TRIM4: variants seen among roughly 807,000 people sequenced by gnomAD.
The protein encoded by TRIM4 is E3 ubiquitin-protein ligase TRIM4.
TRIM4 carries 29 observed loss-of-function variants against 33.7 expected under a neutral mutation model. The ratio of observed to expected loss-of-function variants is 0.86; its 90% CI spans 0.64 to 1.17. TRIM4 has a LOEUF of 1.17. TRIM4 is among the 50% of genes most tolerant of loss of function. The probability of loss-of-function intolerance (pLI) is 0.00; values close to 1 mark genes in which losing one functional copy is unlikely to be tolerated. For missense variants in TRIM4, 554 were observed against 593.7 expected, an observed-to-expected ratio of 0.93 and a Z score of 0.69; for synonymous variants, 224 against 233.0, an observed-to-expected ratio of 0.96 and a Z score of 0.35.
chr7:99,911,265 A>G (rs1224962545), intron 1 of TRIM4, among the ~76,000 whole-genome samples: 3 of 152,186 alleles, frequency 2.0e-5, no homozygotes, highest in Non-Finnish European at 4.4e-5. Context: ...ACTACATTTA[A>G]GCAGTATGTA....
chr7:99,890,998 T>G lies in TRIM4; in HGVS notation c.*1165A>C, dbSNP rs1818881569. ...TTTATACTTTTTGCATCTTACAAAC[T>G]TTCTACAATAAGTACACATGACTTA... On this transcript the variant is annotated 3_prime_UTR_variant, in exon 6 of 6. Transcript: ENST00000349062. The G allele has an allele frequency of 6.6e-6, 1 of 152,250 alleles. No homozygotes were observed. Among genetic ancestry groups the G allele is most frequent in the Non-Finnish European group, 1.5e-5 (1 of 68,044 alleles). 9.4% of individuals were successfully genotyped at this position (152,250 alleles called of 1,614,324 possible). A position where few individuals can be genotyped will look rare whatever the true frequency, so the allele number is the denominator to read the frequency against.
chr7:99,909,559 C>A lies in TRIM4; in HGVS notation c.489+6G>T. On this transcript the variant is annotated splice_donor_region_variant and intron_variant, in intron 2 of 5. Transcript: ENST00000349062. ...GCAAGAAATATCCAACCACTTCTGC[C>A]ATTACCTTCCACTGTGTGGCGTTCT... 1 of 1,612,910 alleles carries A rather than the reference C, an allele frequency of 6.2e-7. No homozygotes were observed. Among genetic ancestry groups the A allele is most frequent in the Non-Finnish European group, 8.5e-7 (1 of 1,179,330 alleles).
rs762420815 is a variant in TRIM4 at position 99,919,053 on chromosome 7, T to C, written c.349A>G (p.Thr117Ala). The C allele has an allele frequency of 2.5e-6, 4 of 1,580,900 alleles. No homozygotes were observed. Among genetic ancestry groups the C allele is most frequent in the African/African-American group, 1.4e-5 (1 of 72,914 alleles). ...TCGTCGATGGGTGCCATGGCGTGAGTCTGGTGCTCCTGGGACTCCCTGCAC... is the reference window on the plus strand; with the variant it reads ...TCGTCGATGGGTGCCATGGCGTGAGCCTGGTGCTCCTGGGACTCCCTGCAC... ...LVCRESQEHQ[T>A]HAMAPIDEAF... The change falls in exon 1 of 6, where the codon ACT becomes GCT. Residue 117 changes from threonine to alanine, a missense_variant. Thr to Ala is a moderately conservative substitution (Grantham distance 58). Coordinates refer to ENST00000349062, the MANE Select transcript of TRIM4 (RefSeq NM_033091.3).
In TRIM4 at chr7:99,908,675, GT is replaced by G. The variant is rs749822439; in HGVS notation, c.626del (p.Asn209ThrfsTer3). 1 of 1,614,144 alleles carries G rather than the reference GT, an allele frequency of 6.2e-7. No individual in the cohort carries two copies. The highest frequency in any genetic ancestry group is 8.5e-7 in the Non-Finnish European group (1 of 1,180,036). On this transcript the variant is annotated frameshift_variant, in exon 3 of 6. Coordinates refer to ENST00000349062, the MANE Select transcript of TRIM4 (RefSeq NM_033091.3). LOFTEE classifies it high-confidence loss of function. Reference sequence around the variant, plus strand: ...CGATAGTTTGATTGAGTTTTAACGTGTTCTCATTCAGCTTCTTCTTCGTCTC... The same window carrying G: ...CGATAGTTTGATTGAGTTTTAACGTGTCTCATTCAGCTTCTTCTTCGTCTC... The part of the protein sequence containing the change: ...EEETKKKLNE[N>X]TLKLNQTIAS...
chr7:99,914,832 C>T (rs1289141886), intron 1 of TRIM4, among the ~76,000 whole-genome samples: 1 of 151,136 alleles, frequency 6.6e-6, no homozygotes, highest in Non-Finnish European at 1.5e-5. Flanking sequence ...TTTCTTGAGA[C>T]GGAGTCTTGC....
intron 3 of TRIM4, among the ~76,000 whole-genome samples, chr7:99,907,981 A>T (rs1819346852): frequency 6.6e-6 from 1 of 152,240 alleles, no homozygotes; most frequent in African/African-American, 2.4e-5. Flanking sequence ...CTATAAGGAC[A>T]CTTTACCTAC....
intron 5 of TRIM4, among the ~76,000 whole-genome samples, chr7:99,897,347 G>A (rs1431356084): frequency 6.6e-6 from 1 of 152,168 alleles, no homozygotes. Flanking sequence ...GGTGAAGCTG[G>A]GAAGTAAGTT....
rs748364312 is a variant in TRIM4 at position 99,909,560 on chromosome 7, ATT to A, written c.489+3_489+4del. On this transcript the variant is annotated splice_donor_region_variant and intron_variant, in intron 2 of 5. Transcript: ENST00000349062. ...CAAGAAATATCCAACCACTTCTGCCATTACCTTCCACTGTGTGGCGTTCTTCA... is the reference window on the plus strand; with the variant it reads ...CAAGAAATATCCAACCACTTCTGCCAACCTTCCACTGTGTGGCGTTCTTCA... The A allele has an allele frequency of 7.4e-6, 12 of 1,613,106 alleles. No homozygotes were observed. The African/African-American group carries it at 1.6e-4, about 22-fold the overall frequency.
intron 1 of TRIM4, among the ~76,000 whole-genome samples, chr7:99,910,468 C>CAATAT (rs1819413771): frequency 6.6e-6 from 1 of 152,010 alleles, no homozygotes; most frequent in Non-Finnish European, 1.5e-5. Flanking sequence ...AGGTAGCTGT[C>CAATAT]TATATATTGA....
intron 1 of TRIM4, among the ~76,000 whole-genome samples, chr7:99,915,566 T>C (rs950282046): frequency 1.3e-5 from 2 of 152,206 alleles, no homozygotes; most frequent in Non-Finnish European, 2.9e-5. Flanking sequence ...CATCTGAGTA[T>C]ATGCTGAGAA....
rs760321781 is a variant in TRIM4 at position 99,892,783 on chromosome 7, T to G, written c.842-37A>C. 2.0e-6 allele frequency: 3 copies of G among 1,530,252 alleles called. No individual in the cohort carries two copies. The Admixed American group carries it at 5.6e-5, about 28-fold the overall frequency. 94.8% of individuals were successfully genotyped at this position (1,530,252 alleles called of 1,614,324 possible). On this transcript the variant is annotated intron_variant, in intron 5 of 5. Coordinates refer to ENST00000349062, the MANE Select transcript of TRIM4 (RefSeq NM_033091.3). ...ATGAGAGCTAAGTAGTGCAGCAGCTTATCATCAACCCTTCCCCAGAAATGC... is the reference window on the plus strand; with the variant it reads ...ATGAGAGCTAAGTAGTGCAGCAGCTGATCATCAACCCTTCCCCAGAAATGC...
chr7:99,919,440 C>T lies in TRIM4; in HGVS notation c.-39G>A, dbSNP rs756832585. ...CGCGGAGACGGAGTCCGACGTGAGG[C>T]GCGGGAGAGGCCAGCAAGCTGCGAG... On this transcript the variant is annotated 5_prime_UTR_variant, in exon 1 of 6. Transcript: ENST00000349062. 2 of 1,482,828 alleles carry T rather than the reference C, an allele frequency of 1.3e-6. No homozygotes were observed. Among genetic ancestry groups the T allele is most frequent in the Non-Finnish European group, 9.0e-7 (1 of 1,116,646 alleles). 91.9% of individuals were successfully genotyped at this position (1,482,828 alleles called of 1,614,324 possible).
At chr7:99,908,901 A>G in intron 2 of TRIM4, 89 bp from the exon 3 acceptor site, 1 of 1,257,200 alleles carries the variant, frequency 8.0e-7, no homozygotes, top group East Asian at 2.4e-5. Flanking sequence ...TCCACAGTCA[A>G]TCCTAATCAA....
At chr7:99,906,734 A>G (rs1212661854) in intron 3 of TRIM4, among the ~76,000 whole-genome samples, 3 of 152,056 alleles carry the variant, frequency 2.0e-5, no homozygotes, top group Non-Finnish European at 2.9e-5. Flanking sequence ...ATCCCCGAAC[A>G]CTTTGGGAGA....
intron 3 of TRIM4, 111 bp from the exon 4 acceptor site, chr7:99,903,709 G>T: frequency 8.2e-7 from 1 of 1,214,242 alleles, no homozygotes; most frequent in Non-Finnish European, 1.2e-6. Flanking sequence ...TGTCACATAT[G>T]ATCTCCTGCT....
Position 99,903,570 on chromosome 7 carries a change from G to A in TRIM4, c.743+6C>T, listed in dbSNP as rs769457795. ...CAGGTCCCCATAAGAGAACAGGAGT[G>A]CATACCTGGTCAACACTTCTTTTGG... On this transcript the variant is annotated splice_donor_region_variant and intron_variant, in intron 4 of 5. Coordinates refer to ENST00000349062, the MANE Select transcript of TRIM4 (RefSeq NM_033091.3). 1.9e-6 allele frequency: 3 copies of A among 1,614,196 alleles called. No individual in the cohort carries two copies. The highest frequency in any genetic ancestry group is 4.5e-5 in the East Asian group (2 of 44,892).
chr7:99,900,671 C>A (rs1384770046), intron 5 of TRIM4, among the ~76,000 whole-genome samples: 1 of 151,338 alleles, frequency 6.6e-6, no homozygotes, highest in Non-Finnish European at 1.5e-5. Context: ...TTTAGTTTAC[C>A]TCCAAACTTA....
intron 3 of TRIM4, among the ~76,000 whole-genome samples, chr7:99,904,836 A>G (rs528389863): frequency 1.3e-5 from 2 of 152,178 alleles, no homozygotes; most frequent in South Asian, 4.2e-4. Flanking sequence ...GTTCAAGACC[A>G]GCCTGGCCAA....
chr7:99,908,840 C>G (rs530079849), intron 2 of TRIM4, 28 bp from the exon 3 acceptor site: 1 of 1,591,444 alleles, frequency 6.3e-7, no homozygotes. Context: ...TTGCTCACTC[C>G]TTTTTCTGCC....
Sources: gnomAD v4.1 joint callset for allele counts (sites outside exome capture counted in the v4.1 genomes callset) on GRCh38, gnomAD v4.1.1 for gene constraint, MANE v1.5 for transcripts, NCBI Gene and HGNC (gene_info 2026-07-23, HGNC 2026-07-21) for gene names.